The following NID1 variants were observed in gnomAD, a reference collection of about 807,000 sequenced individuals.
The protein encoded by NID1 is nidogen-1.
Under a neutral mutation model 130.6 loss-of-function variants are expected in NID1, and 76 were observed. The ratio of observed to expected loss-of-function variants is 0.58; its 90% CI spans 0.48 to 0.70. The LOEUF (loss-of-function observed/expected upper bound fraction) is 0.70. Ranked by LOEUF, NID1 falls within the 30% of genes least tolerant of loss-of-function variation. NID1 has a pLI of 0.00. For missense variants in NID1, 1,517 were observed against 1,664.8 expected (o/e 0.91, Z 1.54); for synonymous variants, 665 against 675.1 (o/e 0.98, Z 0.23).
intron 2 of NID1, among the ~76,000 whole-genome samples, chr1:236,046,481 G>A (rs900174406): frequency 6.6e-6 from 1 of 152,084 alleles, no homozygotes; most frequent in Non-Finnish European, 1.5e-5. Flanking sequence ...AGGAGGCTGT[G>A]GTTGGTCAAG....
chr1:236,030,312 C>G (rs1300095076), intron 6 of NID1, among the ~76,000 whole-genome samples: 1 of 152,132 alleles, frequency 6.6e-6, no homozygotes, highest in Non-Finnish European at 1.5e-5. Context: ...GGCGGCAGCC[C>G]CAGACAGGCA....
chr1:236,037,807 G>A lies in NID1; in HGVS notation c.1285+297C>T, dbSNP rs77329930. The stretch of plus-strand genomic sequence containing the variant: ...CCAGGCTGCATAATTTTAACACTAC[G>A]GCCTTTGTGGCCACACACCACGCAG... On this transcript the variant is annotated intron_variant, in intron 5 of 19. Transcript: ENST00000264187. Among the ~76,000 whole-genome samples the A allele has an allele frequency of 5.1e-3, 770 of 152,274 alleles. 1 individual carries two copies. Among genetic ancestry groups the A allele is most frequent in the Non-Finnish European group, 8.2e-3 (559 of 68,036 alleles).
intron 1 of NID1, among the ~76,000 whole-genome samples, chr1:236,054,370 C>T (rs1021329593): frequency 2.3e-4 from 35 of 151,934 alleles, no homozygotes; most frequent in Admixed American, 1.6e-3. Flanking sequence ...GCAGGAGAAT[C>T]GCTTGAACCT....
intron 12 of NID1, among the ~76,000 whole-genome samples, chr1:235,996,811 C>T (rs774549164): frequency 1.6e-4 from 24 of 151,728 alleles, no homozygotes; most frequent in Middle Eastern, 3.2e-3. Flanking sequence ...CTCCTGGACT[C>T]GAGTCATCTT....
intron 8 of NID1, among the ~76,000 whole-genome samples, chr1:236,025,250 C>T (rs112608868): frequency 6.8e-6 from 1 of 146,194 alleles, no homozygotes; most frequent in Admixed American, 6.9e-5. Context: ...CCATGCTCGG[C>T]CCTACAATTT....
chr1:236,029,428 G>C (rs890719944), intron 7 of NID1, 122 bp downstream of exon 7: 1 of 900,664 alleles, frequency 1.1e-6, no homozygotes, highest in Non-Finnish European at 1.7e-6. Context: ...TGACTGTAAG[G>C]CCCGGTGTAT....
At chr1:236,023,879 T>C (rs1454599403) in intron 9 of NID1, among the ~76,000 whole-genome samples, 191 bp downstream of exon 9, 1 of 152,206 alleles carries the variant, frequency 6.6e-6, no homozygotes, top group East Asian at 1.9e-4. Flanking sequence ...GACAAAAGAA[T>C]GGGCCAGTAC....
chr1:236,016,046 T>C (rs1289071233), intron 10 of NID1, among the ~76,000 whole-genome samples: 1 of 152,068 alleles, frequency 6.6e-6, no homozygotes, highest in East Asian at 1.9e-4. Flanking sequence ...TGAGCCGAAG[T>C]GTAATGTAAA....
At chr1:235,980,053 AT>A in intron 17 of NID1, 108 bp from the exon 18 acceptor site, 1 of 1,265,362 alleles carries the variant, frequency 7.9e-7, no homozygotes, top group East Asian at 2.4e-5. Context: ...AAGCATTACA[AT>A]GACAAGTCCC....
chr1:235,979,091 GA>G lies in NID1; in HGVS notation c.3525del (p.Leu1176SerfsTer39), dbSNP rs1490102145. 6.2e-7 allele frequency: 1 copy of G among 1,613,450 alleles called. No individual in the cohort carries two copies. Among genetic ancestry groups the G allele is most frequent in the East Asian group, 2.2e-5 (1 of 44,880 alleles). ...GTCTCCTTGGAAATTGCAAGATCGA[GA>G]GCAACCACGGAATTCCTACAAAGCA... ...FTDWKMNSVVALDLAISKETD... is the reference protein window; with the variant it reads ...FTDWKMNSVVXLDLAISKETD... On this transcript the variant is annotated frameshift_variant, in exon 19 of 20. Transcript: ENST00000264187. LOFTEE classifies it high-confidence loss of function. This position sits in a 1 kb window ranked among gnomAD's most constrained non-coding sequence, Gnocchi z 4.6.
At chr1:236,063,981 G>A (rs1441406806) in intron 1 of NID1, among the ~76,000 whole-genome samples, 1 of 152,180 alleles carries the variant, frequency 6.6e-6, no homozygotes, top group Non-Finnish European at 1.5e-5. Flanking sequence ...AGGCCAGACC[G>A]GGAGCACAGC....
intron 12 of NID1, among the ~76,000 whole-genome samples, chr1:236,011,312 T>TG (rs2102815646): frequency 6.7e-6 from 1 of 150,022 alleles, no homozygotes; most frequent in Admixed American, 6.6e-5. Context: ...TTTTCTTTTT[T>TG]TTTTTTTTTT....
At chr1:236,034,158 T>C (rs969551789) in intron 5 of NID1, among the ~76,000 whole-genome samples, 12 of 152,170 alleles carry the variant, frequency 7.9e-5, no homozygotes, top group African/African-American at 2.7e-4. Flanking sequence ...TGGTGGCTCA[T>C]ATCTGTAATC....
Position 236,054,981 on chromosome 1 carries a change from C to T in NID1, c.226-5992G>A, listed in dbSNP as rs1051847696. ...TTCTGAGGCACATCTGAAACATTTA[C>T]AAAACGATAAAATATTTGGGATTTG... On this transcript the variant is annotated intron_variant, in intron 1 of 19. Coordinates refer to ENST00000264187, the MANE Select transcript of NID1 (RefSeq NM_002508.3). Among the ~76,000 whole-genome samples the T allele has an allele frequency of 5.3e-5, 8 of 150,866 alleles. 2 individuals carry two copies. Among genetic ancestry groups the T allele is most frequent in the Admixed American group, 4.6e-4 (7 of 15,116 alleles).
rs1660147348 is a variant in NID1, at chr1:236,064,834, G to T, written c.225+21C>A. On this transcript the variant is annotated intron_variant, in intron 1 of 19. Transcript: ENST00000264187. Reference sequence around the variant, plus strand: ...CGCCGCGCCCTGCAGCCCCTCGCCCGCCCTCCCGGGGCTCACTCACGTAGA... The same window carrying T: ...CGCCGCGCCCTGCAGCCCCTCGCCCTCCCTCCCGGGGCTCACTCACGTAGA... The T allele has an allele frequency of 1.9e-6, 3 of 1,599,208 alleles. No homozygotes were observed. In the South Asian group the frequency reaches 3.4e-5, roughly 18 times the overall value.
At chr1:236,025,382 C>T (rs975595202) in intron 8 of NID1, among the ~76,000 whole-genome samples, 1 of 151,692 alleles carries the variant, frequency 6.6e-6, no homozygotes, top group Non-Finnish European at 1.5e-5. Context: ...CTGCCTCAGC[C>T]TCCCAAGTAG....
chr1:236,017,328 T>A (rs1454938803), intron 9 of NID1, 55 bp from the exon 10 acceptor site: 10 of 1,581,382 alleles, frequency 6.3e-6, no homozygotes, highest in Non-Finnish European at 8.6e-6. Flanking sequence ...CTTCAAACAT[T>A]ACTGACTATA....
At chr1:236,025,751 CA>C (rs1210023653) in intron 8 of NID1, 144 bp downstream of exon 8, 18 of 1,182,014 alleles carry the variant, frequency 1.5e-5, no homozygotes, top group Non-Finnish European at 2.0e-5. Context: ...TCAAAAATAA[CA>C]AGACATTCTT....
chr1:236,008,355 T>C (rs1658309346), intron 12 of NID1, among the ~76,000 whole-genome samples: 1 of 152,288 alleles, frequency 6.6e-6, no homozygotes, highest in East Asian at 1.9e-4. Context: ...GCCAGTTTAG[T>C]TTTCTTTTGG....
Sources: gnomAD v4.1 joint callset for allele counts (sites outside exome capture counted in the v4.1 genomes callset) on GRCh38, gnomAD v4.1.1 for gene constraint, Gnocchi (gnomAD v3.1) non-coding constraint, MANE v1.5 for transcripts, NCBI Gene and HGNC (gene_info 2026-07-23, HGNC 2026-07-21) for gene names.